The following PHACTR1 variants were observed in gnomAD, a reference collection of about 807,000 sequenced individuals.
The protein encoded by PHACTR1 is phosphatase and actin regulator 1, also known as RPEL repeat containing 1.
PHACTR1 carries 16 observed loss-of-function variants against 69.2 expected under a neutral mutation model. The ratio of observed to expected loss-of-function variants is 0.23; its 90% CI spans 0.16 to 0.35. PHACTR1 has a LOEUF of 0.35. Ranked by LOEUF, PHACTR1 falls within the 10% of genes least tolerant of loss-of-function variation. The pLI is 1.00. For synonymous variants in PHACTR1, 312 were observed against 284.5 expected (o/e 1.10, Z -0.97); for missense variants, 510 against 734.7 (o/e 0.69, Z 3.54).
At chr6:12,942,745 T>C (rs1347446100) in intron 4 of PHACTR1, among the ~76,000 whole-genome samples, 1 of 152,206 alleles carries the variant, frequency 6.6e-6, no homozygotes, top group Non-Finnish European at 1.5e-5. Flanking sequence ...GCCCTAGTGT[T>C]TGACAATGCA....
intron 4 of PHACTR1, among the ~76,000 whole-genome samples, chr6:12,889,580 C>T (rs1216270605): frequency 6.6e-6 from 1 of 152,088 alleles, no homozygotes. Flanking sequence ...GCTAACCAGT[C>T]TTTCTTTAGC....
chr6:12,823,923 T>C (rs1776490539), intron 4 of PHACTR1, among the ~76,000 whole-genome samples: 1 of 152,220 alleles, frequency 6.6e-6, no homozygotes, highest in Non-Finnish European at 1.5e-5. Context: ...ATATTTTTCC[T>C]TCCTTTAGAA....
chr6:12,855,690 G>A (rs1247845443), intron 4 of PHACTR1, among the ~76,000 whole-genome samples: 6 of 152,054 alleles, frequency 3.9e-5, no homozygotes, highest in Non-Finnish European at 1.5e-5. Context: ...TTCCTATTGG[G>A]TATTATGTTC....
chr6:13,076,056 T>C (rs1810423465), intron 5 of PHACTR1, among the ~76,000 whole-genome samples: 1 of 150,026 alleles, frequency 6.7e-6, no homozygotes, highest in Non-Finnish European at 1.5e-5. Flanking sequence ...GGTTGGCTGA[T>C]GTTACTTAAT....
rs554171297 is a variant in PHACTR1, at chr6:12,971,539, T to C, written c.251-81826T>C. On this transcript the variant is annotated intron_variant, in intron 4 of 14. Transcript: ENST00000332995. ...AAAGTCTGCATATTGTATGAGTCCA[T>C]GTATACGAAATGTCCAAAAAGACAA... 2.6e-5 allele frequency among the ~76,000 whole-genome samples: 4 copies of C among 152,332 alleles called. No individual in the cohort carries two copies. The South Asian group carries it at 8.3e-4, about 32-fold the overall frequency.
intron 7 of PHACTR1, among the ~76,000 whole-genome samples, chr6:13,204,595 A>G (rs1244413116): frequency 6.6e-6 from 1 of 152,148 alleles, no homozygotes; most frequent in Non-Finnish European, 1.5e-5. Context: ...AGGAAGCTCA[A>G]TGGCATTGTC....
chr6:12,738,303 T>G (rs1022412634), intron 3 of PHACTR1, among the ~76,000 whole-genome samples: 1 of 152,204 alleles, frequency 6.6e-6, no homozygotes, highest in Non-Finnish European at 1.5e-5. Context: ...TCTGGAGGCA[T>G]CCAATGTCCA....
At chr6:13,279,723 G>A (rs1779732878) in intron 12 of PHACTR1, 1 of 152,246 alleles carries the variant, frequency 6.6e-6, no homozygotes, top group Admixed American at 6.5e-5. Flanking sequence ...TCACCAGCCA[G>A]TCGCTGTCCC....
At chr6:13,045,588 G>A (rs546847685) in intron 4 of PHACTR1, among the ~76,000 whole-genome samples, 29 of 152,266 alleles carry the variant, frequency 1.9e-4, no homozygotes, top group African/African-American at 6.7e-4. Flanking sequence ...ACATCTTAGG[G>A]CACCAGGATT....
At chr6:12,890,250 C>A (rs1784046473) in intron 4 of PHACTR1, among the ~76,000 whole-genome samples, 1 of 152,112 alleles carries the variant, frequency 6.6e-6, no homozygotes, top group Admixed American at 6.5e-5. Context: ...ACATCCTCGC[C>A]CCCAAGTTCA....
In PHACTR1 at chr6:13,182,692, G is replaced by GC; in HGVS notation, c.664+10dup. On this transcript the variant is annotated splice_region_variant and intron_variant, in intron 7 of 14. Transcript: ENST00000332995. ...AGACATCATGGATGGGCCAGGTAAT[G>GC]CCCCGGCAGGATTGTAGAGCAGGTC... 6.5e-7 allele frequency: 1 copy of GC among 1,527,588 alleles called. No homozygotes were observed. The highest frequency in any genetic ancestry group is 8.8e-7 in the Non-Finnish European group (1 of 1,141,396). The allele number at this position is 1,527,588 out of a possible 1,614,324, so 94.6% of individuals were successfully genotyped here.
intron 4 of PHACTR1, among the ~76,000 whole-genome samples, chr6:13,015,732 G>A (rs546590979): frequency 2.0e-5 from 3 of 152,218 alleles, no homozygotes; most frequent in African/African-American, 7.2e-5. Context: ...TGGTAAATGC[G>A]GTATACCCCG....
rs192172411 is a variant in PHACTR1, at chr6:12,819,640, A to T, written c.250+69850A>T. Among the ~76,000 whole-genome samples, 11 of 152,280 alleles carry T rather than the reference A, an allele frequency of 7.2e-5. No individual in the cohort carries two copies. In the East Asian group the frequency reaches 2.1e-3, roughly 29 times the overall value. The stretch of plus-strand genomic sequence containing the variant: ...AAGTGTTGTTCTGATGACCAAATGA[A>T]ATTGTGTTTGGGAAAGTGATTTGTA... On this transcript the variant is annotated intron_variant, in intron 4 of 14. Transcript: ENST00000332995.
At position 13,047,377 on chromosome 6, in the gene PHACTR1, CAAAAAA is replaced by C. The variant is rs35293642; in HGVS notation, c.251-5968_251-5963del. On this transcript the variant is annotated intron_variant, in intron 4 of 14. Coordinates refer to ENST00000332995, the MANE Select transcript of PHACTR1 (RefSeq NM_030948.6). ...TGGGTGACAGAGCAAAACCCTGTCT[CAAAAAA>C]AAAAAAAAAAAAAAAAAAAGGCAGT... Among the ~76,000 whole-genome samples the C allele has an allele frequency of 1.2e-3, 66 of 54,792 alleles. 1 individual carries two copies. Among genetic ancestry groups the C allele is most frequent in the Non-Finnish European group, 2.3e-3 (59 of 26,130 alleles). The allele number at this position is 54,792 out of a possible 152,430, so 35.9% of individuals were successfully genotyped here. A position where few individuals can be genotyped will look rare whatever the true frequency, so the allele number is the denominator to read the frequency against.
At chr6:13,131,796 G>T (rs1175863296) in intron 5 of PHACTR1, among the ~76,000 whole-genome samples, 5 of 152,130 alleles carry the variant, frequency 3.3e-5, no homozygotes, top group African/African-American at 1.2e-4. Flanking sequence ...ATATTTTAGA[G>T]GATGCATTTC....
At chr6:12,970,756 A>T (rs922897535) in intron 4 of PHACTR1, among the ~76,000 whole-genome samples, 17 of 152,206 alleles carry the variant, frequency 1.1e-4, no homozygotes, top group African/African-American at 2.4e-5. Flanking sequence ...ACTCTGTCTC[A>T]AACAAACAAG....
intron 4 of PHACTR1, among the ~76,000 whole-genome samples, chr6:12,818,337 A>G (rs536421201): frequency 6.6e-6 from 1 of 152,272 alleles, no homozygotes; most frequent in South Asian, 2.1e-4. Context: ...GTCAGCTGAG[A>G]TGTCTGGGCT....
chr6:12,887,851 C>T (rs1783789918), intron 4 of PHACTR1, among the ~76,000 whole-genome samples: 2 of 151,856 alleles, frequency 1.3e-5, no homozygotes. Flanking sequence ...GGTGGATTGC[C>T]TGAGCTCAGG....
intron 4 of PHACTR1, among the ~76,000 whole-genome samples, chr6:13,006,574 C>T (rs1043492053): frequency 1.3e-5 from 2 of 150,506 alleles, no homozygotes; most frequent in Non-Finnish European, 2.9e-5. Flanking sequence ...ACATACACAC[C>T]TTATATTAAA....
Sources: allele counts gnomAD v4.1 joint callset (sites outside exome capture counted in the v4.1 genomes callset), GRCh38; gene constraint gnomAD v4.1.1; transcripts MANE v1.5; gene names NCBI Gene and HGNC (gene_info 2026-07-23, HGNC 2026-07-21).